Variants in ANKRD11 observed in about 807,000 individuals in gnomAD.
ANKRD11 encodes the protein ankyrin repeat domain-containing protein 11.
ANKRD11 carries 17 observed loss-of-function variants against 195.7 expected under a neutral mutation model. The ratio of observed to expected loss-of-function variants is 0.09; its 90% CI spans 0.06 to 0.13. ANKRD11 has a LOEUF of 0.13. ANKRD11 is among the 10% of genes least tolerant of loss of function. The probability of loss-of-function intolerance (pLI) is 1.00; values close to 1 mark genes in which losing one functional copy is unlikely to be tolerated. For missense variants in ANKRD11, 3,735 were observed against 3,566.1 expected (o/e 1.05, Z -1.21); for synonymous variants, 1,953 against 1,528.1 (o/e 1.28, Z -6.49).
chr16:89,444,451 G>A (rs778721646), intron 1 of ANKRD11, among the ~76,000 whole-genome samples: 2 of 152,006 alleles, frequency 1.3e-5, no homozygotes, highest in Non-Finnish European at 2.9e-5. Context: ...TTTTGCAACG[G>A]GGCGGTCGGG....
intron 2 of ANKRD11, among the ~76,000 whole-genome samples, chr16:89,366,157 G>C (rs996188619): frequency 4.1e-5 from 6 of 146,286 alleles, no homozygotes; most frequent in African/African-American, 1.3e-4. Context: ...AAAAAGACAT[G>C]ATCTCATTCT....
chr16:89,356,641 C>A (rs1177265997), intron 2 of ANKRD11, among the ~76,000 whole-genome samples: 4 of 149,854 alleles, frequency 2.7e-5, no homozygotes, highest in Non-Finnish European at 5.9e-5. Flanking sequence ...ATTAGCCAGG[C>A]GTGGTGGTGG....
chr16:89,414,727 G>T (rs2042226106), intron 2 of ANKRD11, among the ~76,000 whole-genome samples: 1 of 152,158 alleles, frequency 6.6e-6, no homozygotes, highest in African/African-American at 2.4e-5. Flanking sequence ...TGTCACTGCG[G>T]CCACACCTGG....
At chr16:89,401,276 G>A (rs1378713623) in intron 2 of ANKRD11, among the ~76,000 whole-genome samples, 3 of 151,938 alleles carry the variant, frequency 2.0e-5, no homozygotes, top group African/African-American at 4.8e-5. Context: ...ACCGGGTTTC[G>A]CCATGTTAGC....
At chr16:89,302,096 T>C (rs2035891651) in intron 4 of ANKRD11, among the ~76,000 whole-genome samples, 1 of 152,166 alleles carries the variant, frequency 6.6e-6, no homozygotes, top group Non-Finnish European at 1.5e-5. Context: ...ATGTTTCTCT[T>C]CTCATCCCTG....
At position 89,325,623 on chromosome 16, in the gene ANKRD11, C is replaced by T. The variant is rs572375614; in HGVS notation, c.-59-8545G>A. ...CGAAGCGTGGAAAATGGCTGCCTGG[C>T]GGATGGAATTGGAAGGGACGGTGAA... On this transcript the variant is annotated intron_variant, in intron 2 of 12. Coordinates refer to ENST00000301030, the MANE Select transcript of ANKRD11 (RefSeq NM_013275.6). Among the ~76,000 whole-genome samples, 211 of 152,298 alleles carry T rather than the reference C, an allele frequency of 1.4e-3. 1 individual carries two copies. The highest frequency in any genetic ancestry group is 4.8e-3 in the African/African-American group (199 of 41,548).
chr16:89,323,209 C>G (rs865867513), intron 2 of ANKRD11: 2 of 884,056 alleles, frequency 2.3e-6, no homozygotes, highest in Middle Eastern at 5.2e-4. Context: ...AAGTCTCCAA[C>G]GGACTGAGCG....
Position 89,462,049 on chromosome 16 carries a change from C to CCTCTCCCTCTCCCT in ANKRD11, c.-145+28182_-145+28195dup, listed in dbSNP as rs200759441. Among the ~76,000 whole-genome samples, 11 of 138,846 alleles carry CCTCTCCCTCTCCCT rather than the reference C, an allele frequency of 7.9e-5. No homozygotes were observed. In the East Asian group the frequency reaches 2.0e-3, roughly 25 times the overall value. The allele number at this position is 138,846 out of a possible 152,430, so 91.1% of individuals were successfully genotyped here. The stretch of plus-strand genomic sequence containing the variant: ...CTCTCCCTCCCCCTCTCCCTCTCCC[C>CCTCTCCCTCTCCCT]CTCTCCCTCTCCCTCTCTCCCTCTC... On this transcript the variant is annotated intron_variant, in intron 1 of 12. Transcript: ENST00000301030.
chr16:89,325,325 C>G (rs1389371372), intron 2 of ANKRD11, among the ~76,000 whole-genome samples: 1 of 152,120 alleles, frequency 6.6e-6, no homozygotes, highest in East Asian at 1.9e-4. Context: ...GCGGTCTCAG[C>G]TACCAGGGAG....
At chr16:89,445,993 T>C (rs2965943) in intron 1 of ANKRD11, among the ~76,000 whole-genome samples, 2 of 131,852 alleles carry the variant, frequency 1.5e-5, no homozygotes, top group African/African-American at 5.1e-5. Context: ...AAAAAAAAAA[T>C]TTTTTGTTAA....
chr16:89,322,709 G>A (rs3114903), intron 2 of ANKRD11, among the ~76,000 whole-genome samples: 2 of 152,262 alleles, frequency 1.3e-5, no homozygotes, highest in African/African-American at 4.8e-5. Context: ...AGGAGGAGCT[G>A]GAAGCAGCAG....
At chr16:89,428,072 G>C (rs1294349939) in intron 1 of ANKRD11, among the ~76,000 whole-genome samples, 1 of 151,296 alleles carries the variant, frequency 6.6e-6, no homozygotes, top group Non-Finnish European at 1.5e-5. Flanking sequence ...GCCAGACATG[G>C]TGGCGCGCGC....
chr16:89,469,226 CT>C (rs1402500270), intron 1 of ANKRD11, among the ~76,000 whole-genome samples: 1 of 152,026 alleles, frequency 6.6e-6, no homozygotes, highest in Middle Eastern at 3.4e-3. Flanking sequence ...GATATCCACT[CT>C]TTTTTTTCTT....
chr16:89,307,781 G>A (rs757052590), intron 3 of ANKRD11, among the ~76,000 whole-genome samples: 5 of 152,254 alleles, frequency 3.3e-5, no homozygotes, highest in Non-Finnish European at 5.9e-5. Flanking sequence ...AGGAAAGAAT[G>A]GCACACACCA....
intron 2 of ANKRD11, among the ~76,000 whole-genome samples, chr16:89,357,012 A>G (rs1038601652): frequency 6.6e-6 from 1 of 152,190 alleles, no homozygotes; most frequent in Non-Finnish European, 1.5e-5. Context: ...GCATGTCCCA[A>G]TGCTAATGGT....
chr16:89,373,199 A>C (rs971771758), intron 2 of ANKRD11: 1 of 152,284 alleles, frequency 6.6e-6, no homozygotes, highest in Non-Finnish European at 1.5e-5. Flanking sequence ...TGGAAAACTA[A>C]GACGTTTACC....
intron 2 of ANKRD11, among the ~76,000 whole-genome samples, chr16:89,388,510 T>C (rs747513950): frequency 6.6e-6 from 1 of 151,890 alleles, no homozygotes; most frequent in African/African-American, 2.4e-5. Context: ...TGTGGTGCTG[T>C]CGAACGCACA....
At position 89,291,179 on chromosome 16, in the gene ANKRD11, C is replaced by T; in HGVS notation, c.231G>A (p.Lys77=). Residue 77 remains lysine, a synonymous_variant, in exon 5 of 13, where the codon AAG becomes AAA. Transcript: ENST00000301030. This position sits in a 1 kb window ranked among gnomAD's most constrained non-coding sequence, Gnocchi z 5.3. ...TAATCCTCTTCCGCTCAGGGCCCTG[C>T]TTCTCTGTGAGGCGGGCGAGGGAGA... ...NGEQKDSDTE[K]QGPERKRIKK... 1 of 1,613,680 alleles carries T rather than the reference C, an allele frequency of 6.2e-7. No individual in the cohort carries two copies.
intron 2 of ANKRD11, chr16:89,395,558 G>C (rs568752335): frequency 1.3e-5 from 2 of 152,316 alleles, no homozygotes; most frequent in African/African-American, 2.4e-5. Context: ...TCCCAGGAGG[G>C]GACCAATGGG....
Sources: gnomAD v4.1 joint callset for allele counts (sites outside exome capture counted in the v4.1 genomes callset) on GRCh38, gnomAD v4.1.1 for gene constraint, Gnocchi (gnomAD v3.1) non-coding constraint, MANE v1.5 for transcripts, NCBI Gene and HGNC (gene_info 2026-07-23, HGNC 2026-07-21) for gene names.